PTGES3L: variants seen among roughly 807,000 people sequenced by gnomAD.
PTGES3L encodes putative protein PTGES3L.
In PTGES3L, 17 loss-of-function variants were observed where a neutral mutation model predicts 25.0. The observed-to-expected ratio is 0.68, with a 90% CI of 0.47 to 1.02. PTGES3L has a LOEUF of 1.02. PTGES3L is among the 50% of genes least tolerant of loss of function. PTGES3L has a pLI of 0.00. For synonymous variants in PTGES3L, 59 were observed against 65.7 expected (o/e 0.90, Z 0.50); for missense variants, 202 against 197.5 (o/e 1.02, Z -0.14).
intron 4 of PTGES3L, among the ~76,000 whole-genome samples, chr17:42,975,076 C>T (rs562691444): frequency 2.3e-4 from 32 of 137,470 alleles, no homozygotes; most frequent in African/African-American, 8.2e-4. Flanking sequence ...GGCAACGCTG[C>T]TGTGAACCTT....
At chr17:42,971,992 A>G in intron 4 of PTGES3L, 1 of 303,264 alleles carries the variant, frequency 3.3e-6, no homozygotes, top group Non-Finnish European at 6.3e-6. Context: ...GTTCGAGACC[A>G]GCCTGGCCAA....
intron 4 of PTGES3L, among the ~76,000 whole-genome samples, chr17:42,974,657 C>T (rs999382292): frequency 1.3e-5 from 2 of 151,468 alleles, no homozygotes; most frequent in Non-Finnish European, 2.9e-5. Flanking sequence ...CTTGTAATCC[C>T]ATCTACTCAG....
At chr17:42,974,288 A>G (rs12941153) in intron 4 of PTGES3L, among the ~76,000 whole-genome samples, 141,060 of 150,946 alleles carry the variant, frequency 0.93, 66,667 homozygotes, top group East Asian at 1. Flanking sequence ...TGAACCTGGC[A>G]GGTGGAAGCT....
Position 42,969,044 on chromosome 17 carries a change from G to A in PTGES3L, c.*104C>T. ...CTAGGAAAGTTCAGAGATCTCAGAA[G>A]AACTTGGTGCACAGCCAAAGCGCTG... On this transcript the variant is annotated 3_prime_UTR_variant, in exon 7 of 7. Transcript: ENST00000591916. The A allele has an allele frequency of 1.2e-6, 1 of 819,190 alleles. No individual in the cohort carries two copies. The highest frequency in any genetic ancestry group is 2.7e-5 in the East Asian group (1 of 37,346). The allele number at this position is 819,190 out of a possible 1,614,324, so 50.7% of individuals were successfully genotyped here. A position where few individuals can be genotyped will look rare whatever the true frequency, so the allele number is the denominator to read the frequency against.
chr17:42,975,220 T>C (rs908004439), intron 4 of PTGES3L, among the ~76,000 whole-genome samples: 2 of 148,412 alleles, frequency 1.3e-5, no homozygotes, highest in African/African-American at 5.0e-5. Context: ...TAAAGCACTA[T>C]AATACAGTGT....
rs192676985 is a variant in PTGES3L at position 42,978,120 on chromosome 17, G to T, written c.288+1050C>A. ...AAAAAACAGAAAGAAAAAAGAAAAAGAAATGGCTGGGCACATTGGCTCACG... is the reference window on the plus strand; with the variant it reads ...AAAAAACAGAAAGAAAAAAGAAAAATAAATGGCTGGGCACATTGGCTCACG... On this transcript the variant is annotated intron_variant, in intron 4 of 6. Transcript: ENST00000591916. 6.2e-3 allele frequency among the ~76,000 whole-genome samples: 545 copies of T among 87,930 alleles called. 4 individuals are homozygous for T. Among genetic ancestry groups the T allele is most frequent in the African/African-American group, 0.022 (524 of 24,056 alleles). The allele number at this position is 87,930 out of a possible 152,430, so 57.7% of individuals were successfully genotyped here.
At chr17:42,973,017 C>A (rs1439689483) in intron 4 of PTGES3L, among the ~76,000 whole-genome samples, 1 of 146,774 alleles carries the variant, frequency 6.8e-6, no homozygotes, top group Non-Finnish European at 1.5e-5. Flanking sequence ...GGCCGCGACC[C>A]CGTCTGGGAG....
chr17:42,974,603 T>A (rs2049920489), intron 4 of PTGES3L, among the ~76,000 whole-genome samples: 1 of 151,696 alleles, frequency 6.6e-6, no homozygotes. Flanking sequence ...TGAAACCCCA[T>A]CTCTACTAAA....
intron 4 of PTGES3L, chr17:42,971,989 A>C (rs1030151079): frequency 6.4e-6 from 2 of 313,484 alleles, no homozygotes; most frequent in East Asian, 1.5e-4. Context: ...GGAGTTCGAG[A>C]CCAGCCTGGC....
At chr17:42,978,100 A>AAAAAAAAAAAAAC (rs377110391) in intron 4 of PTGES3L, among the ~76,000 whole-genome samples, 2 of 142,356 alleles carry the variant, frequency 1.4e-5, no homozygotes, top group African/African-American at 5.2e-5. Flanking sequence ...AAAAAAAAAA[A>AAAAAAAAAAAAAC]CAGAAAGAAA....
intron 4 of PTGES3L, among the ~76,000 whole-genome samples, chr17:42,973,625 G>A (rs1597738991): frequency 6.6e-6 from 1 of 150,526 alleles, no homozygotes; most frequent in East Asian, 2.0e-4. Flanking sequence ...AGACATGGGA[G>A]ACTTTTCATT....
chr17:42,979,338 C>T (rs375771533), intron 3 of PTGES3L, 40 bp downstream of exon 3: 91 of 1,613,962 alleles, frequency 5.6e-5, no homozygotes, highest in Admixed American at 1.5e-4. Context: ...CTGGGCAGCC[C>T]GGTTTCCATC....
chr17:42,971,776 G>C, intron 4 of PTGES3L, 80 bp from the exon 5 acceptor site: 1 of 1,474,296 alleles, frequency 6.8e-7, no homozygotes, highest in Non-Finnish European at 9.4e-7. Context: ...ATATGCATGG[G>C]AGCACGCCTG....
intron 4 of PTGES3L, among the ~76,000 whole-genome samples, chr17:42,978,665 GTAA>G (rs1193733256): frequency 2.6e-5 from 4 of 151,902 alleles, no homozygotes. Flanking sequence ...GTATACCTAT[GTAA>G]CAAACCTGCA....
At chr17:42,971,170 G>T (rs954869299) in intron 5 of PTGES3L, among the ~76,000 whole-genome samples, 1 of 151,868 alleles carries the variant, frequency 6.6e-6, no homozygotes, top group Non-Finnish European at 1.5e-5. Context: ...AGTGGTGGTG[G>T]GCACCTGTAA....
At position 42,970,069 on chromosome 17, in the gene PTGES3L, G is replaced by A. The variant is rs140264040; in HGVS notation, c.432+220C>T. On this transcript the variant is annotated intron_variant, in intron 6 of 6. Transcript: ENST00000591916. Reference sequence around the variant, plus strand: ...TTGAACCCAGGAGGCAGAGGTTGCAGTGAGCCAAGATCGGGCCACTGCACT... The same window carrying A: ...TTGAACCCAGGAGGCAGAGGTTGCAATGAGCCAAGATCGGGCCACTGCACT... Among the ~76,000 whole-genome samples, 587 of 152,250 alleles carry A rather than the reference G, an allele frequency of 3.9e-3. 4 individuals are homozygous for A. Among genetic ancestry groups the A allele is most frequent in the African/African-American group, 0.013 (547 of 41,530 alleles).
chr17:42,975,576 A>G (rs569167521), intron 4 of PTGES3L, among the ~76,000 whole-genome samples: 47 of 152,172 alleles, frequency 3.1e-4, no homozygotes, highest in Non-Finnish European at 4.3e-4. Flanking sequence ...TCAGGGAGGT[A>G]ATGAAAAGGA....
At chr17:42,979,772 A>T in intron 1 of PTGES3L, 109 bp from the exon 2 acceptor site, 1 of 1,474,760 alleles carries the variant, frequency 6.8e-7, no homozygotes, top group Non-Finnish European at 9.2e-7. Context: ...TTCAAAGTGG[A>T]GCTAAATGAG....
intron 4 of PTGES3L, 33 bp from the exon 5 acceptor site, chr17:42,971,729 G>C: frequency 1.2e-6 from 2 of 1,612,004 alleles, no homozygotes; most frequent in South Asian, 1.1e-5. Flanking sequence ...TCACAGGCCA[G>C]GAGGGCAGGA....
Sources: gnomAD v4.1 joint callset for allele counts (sites outside exome capture counted in the v4.1 genomes callset) on GRCh38, gnomAD v4.1.1 for gene constraint, MANE v1.5 for transcripts, NCBI Gene and HGNC (gene_info 2026-07-23, HGNC 2026-07-21) for gene names.